ROR2: variants seen among roughly 807,000 people sequenced by gnomAD.
ROR2 encodes tyrosine-protein kinase transmembrane receptor ROR2.
In ROR2, 33 loss-of-function variants were observed where a neutral mutation model predicts 74.9. That is an observed-to-expected ratio of 0.44 (90% CI 0.33 to 0.59). The LOEUF (loss-of-function observed/expected upper bound fraction) is 0.59. ROR2 is among the 20% of genes least tolerant of loss of function. The pLI is 0.02. For synonymous variants in ROR2, 586 were observed against 558.7 expected (o/e 1.05, Z -0.69); for missense variants, 1,216 against 1,313.8 (o/e 0.93, Z 1.15).
intron 2 of ROR2, among the ~76,000 whole-genome samples, chr9:91,767,647 C>T (rs1826101066): frequency 1.3e-5 from 2 of 152,194 alleles, no homozygotes; most frequent in Admixed American, 6.5e-5. Flanking sequence ...TTAATAAATC[C>T]GTTGCGGGTG....
At chr9:91,930,620 C>T (rs1459648449) in intron 1 of ROR2, among the ~76,000 whole-genome samples, 1 of 152,146 alleles carries the variant, frequency 6.6e-6, no homozygotes, top group African/African-American at 2.4e-5. Context: ...TAACACACAC[C>T]AGAGGAATGT....
rs375642285 is a variant in ROR2 at position 91,833,071 on chromosome 9, C to T, written c.98-57253G>A. Among the ~76,000 whole-genome samples the T allele has an allele frequency of 1.6e-4, 24 of 152,290 alleles. No individual in the cohort carries two copies. In the East Asian group the frequency reaches 1.9e-3, roughly 12 times the overall value. ...GGCTCCCCTAAGCCCTGCAACACCC[C>T]CAAAGAGGGACAGGGAAGGTGGGCT... On this transcript the variant is annotated intron_variant, in intron 1 of 8. Coordinates refer to ENST00000375708, the MANE Select transcript of ROR2 (RefSeq NM_004560.4).
intron 1 of ROR2, among the ~76,000 whole-genome samples, chr9:91,889,796 C>T (rs922405033): frequency 2.6e-5 from 4 of 152,198 alleles, no homozygotes; most frequent in East Asian, 1.9e-4. Context: ...TTGTGCACCC[C>T]GCCTCCTTGA....
In ROR2 at chr9:91,909,842, G is replaced by GTTTTTTT. The variant is rs1232142986; in HGVS notation, c.97+40024_97+40025insAAAAAAA. 5.4e-3 allele frequency among the ~76,000 whole-genome samples: 303 copies of GTTTTTTT among 55,804 alleles called. 33 individuals carry two copies. Among genetic ancestry groups the GTTTTTTT allele is most frequent in the Middle Eastern group, 0.014 (1 of 74 alleles). 36.6% of individuals were successfully genotyped at this position (55,804 alleles called of 152,430 possible). ...TTTATTCTTTTTTTTTTTTAGGTTT[G>GTTTTTTT]TTTTGTTTTTTTTTTTTTTTTTTTT... On this transcript the variant is annotated intron_variant, in intron 1 of 8. Coordinates refer to ENST00000375708, the MANE Select transcript of ROR2 (RefSeq NM_004560.4).
At chr9:91,787,287 G>T (rs1054920303) in intron 1 of ROR2, among the ~76,000 whole-genome samples, 3 of 152,136 alleles carry the variant, frequency 2.0e-5, no homozygotes, top group Non-Finnish European at 4.4e-5. Flanking sequence ...GAGGTGGGTG[G>T]ATCACTTGAG....
chr9:91,941,939 T>G (rs1831883284), intron 1 of ROR2, among the ~76,000 whole-genome samples: 1 of 152,006 alleles, frequency 6.6e-6, no homozygotes, highest in South Asian at 2.1e-4. Context: ...TACAGGCACA[T>G]GTCACCACGC....
chr9:91,834,509 C>T (rs1224696534), intron 1 of ROR2, among the ~76,000 whole-genome samples: 1 of 152,202 alleles, frequency 6.6e-6, no homozygotes, highest in Non-Finnish European at 1.5e-5. Context: ...TTCTCTACAC[C>T]TTATGCATGG....
At chr9:91,883,624 T>C (rs1830183705) in intron 1 of ROR2, among the ~76,000 whole-genome samples, 1 of 152,218 alleles carries the variant, frequency 6.6e-6, no homozygotes, top group African/African-American at 2.4e-5. Flanking sequence ...TCTATCATTG[T>C]AGAAAATTCT....
chr9:91,727,477 G>A (rs1365269693), intron 7 of ROR2, among the ~76,000 whole-genome samples: 2 of 152,038 alleles, frequency 1.3e-5, no homozygotes, highest in Middle Eastern at 3.2e-3. Flanking sequence ...GGTACAGGGG[G>A]CACACCAGGC....
intron 4 of ROR2, among the ~76,000 whole-genome samples, chr9:91,746,635 T>TG (rs1004185688): frequency 6.6e-6 from 1 of 151,802 alleles, no homozygotes; most frequent in Admixed American, 6.6e-5. Flanking sequence ...ATTATGTGGG[T>TG]GAAACATATG....
chr9:91,795,357 G>T (rs986721394), intron 1 of ROR2, among the ~76,000 whole-genome samples: 1 of 152,172 alleles, frequency 6.6e-6, no homozygotes, highest in Non-Finnish European at 1.5e-5. Context: ...GGACAGAAAT[G>T]TATATTTTAT....
chr9:91,807,441 C>T (rs1827604592), intron 1 of ROR2, among the ~76,000 whole-genome samples: 1 of 152,234 alleles, frequency 6.6e-6, no homozygotes, highest in South Asian at 2.1e-4. Flanking sequence ...CTTTGTAATA[C>T]CCTTCAAATA....
chr9:91,748,894 GC>G (rs933685090), intron 4 of ROR2, among the ~76,000 whole-genome samples: 1 of 152,202 alleles, frequency 6.6e-6, no homozygotes, highest in Admixed American at 6.5e-5. Flanking sequence ...GGGCGTGGTG[GC>G]AGGCGCCTGT....
At chr9:91,768,619 G>T (rs1450197361) in intron 2 of ROR2, among the ~76,000 whole-genome samples, 2 of 152,214 alleles carry the variant, frequency 1.3e-5, no homozygotes, top group African/African-American at 2.4e-5. Context: ...CCCGCTGGGC[G>T]CAGGTTGTCA....
At chr9:91,753,580 G>T (rs956611573) in intron 4 of ROR2, among the ~76,000 whole-genome samples, 8 of 152,250 alleles carry the variant, frequency 5.3e-5, no homozygotes, top group African/African-American at 1.9e-4. Context: ...ATCTCTCCTA[G>T]AGAAACCCAG....
chr9:91,926,427 C>T (rs764216619), intron 1 of ROR2, among the ~76,000 whole-genome samples: 3 of 149,522 alleles, frequency 2.0e-5, no homozygotes, highest in African/African-American at 4.9e-5. Flanking sequence ...ATGCCTATAA[C>T]GCCAGCTACT....
intron 1 of ROR2, among the ~76,000 whole-genome samples, chr9:91,805,702 C>T (rs536301662): frequency 6.6e-6 from 1 of 152,162 alleles, no homozygotes; most frequent in East Asian, 1.9e-4. Flanking sequence ...TATGAACATA[C>T]GTACACACAC....
At chr9:91,832,411 C>T (rs1406880245) in intron 1 of ROR2, among the ~76,000 whole-genome samples, 2 of 150,184 alleles carry the variant, frequency 1.3e-5, no homozygotes, top group Non-Finnish European at 3.0e-5. Context: ...GTCCCCTACC[C>T]ATGACGGCCA....
rs573565748 is a variant in ROR2 at position 91,876,895 on chromosome 9, A to G, written c.97+72972T>C. Among the ~76,000 whole-genome samples the G allele has an allele frequency of 1.0e-3, 152 of 152,252 alleles. 1 individual carries two copies. In the Middle Eastern group the frequency reaches 0.01, roughly 10 times the overall value. ...GAATATTTTCTAAAAGGACACGAAGAGCATCACCAAGCTGAACGACTCAAG... is the reference window on the plus strand; with the variant it reads ...GAATATTTTCTAAAAGGACACGAAGGGCATCACCAAGCTGAACGACTCAAG... On this transcript the variant is annotated intron_variant, in intron 1 of 8. Coordinates refer to ENST00000375708, the MANE Select transcript of ROR2 (RefSeq NM_004560.4).
Sources: gnomAD v4.1 joint callset for allele counts (sites outside exome capture counted in the v4.1 genomes callset) on GRCh38, gnomAD v4.1.1 for gene constraint, MANE v1.5 for transcripts, NCBI Gene and HGNC (gene_info 2026-07-23, HGNC 2026-07-21) for gene names.